LDB2: variants seen among roughly 807,000 people sequenced by gnomAD.
LDB2 encodes LIM domain-binding protein 2.
Under a neutral mutation model 44.3 loss-of-function variants are expected in LDB2, and 12 were observed. The ratio of observed to expected loss-of-function variants is 0.27; its 90% CI spans 0.17 to 0.44. The LOEUF (loss-of-function observed/expected upper bound fraction) is 0.44. Among genes scored for constraint, LDB2 ranks in the 20% least tolerant of loss-of-function variants. The pLI is 1.00. For synonymous variants in LDB2, 164 were observed against 174.8 expected (o/e 0.94, Z 0.49); for missense variants, 344 against 473.5 (o/e 0.73, Z 2.54).
chr4:16,876,043 T>C (rs1718270589), intron 1 of LDB2, among the ~76,000 whole-genome samples: 1 of 152,230 alleles, frequency 6.6e-6, no homozygotes, highest in African/African-American at 2.4e-5. Context: ...CCATGTCCCA[T>C]GTCCCTGGCT....
intron 1 of LDB2, among the ~76,000 whole-genome samples, chr4:16,809,297 T>G (rs1779336260): frequency 6.6e-6 from 1 of 152,170 alleles, no homozygotes; most frequent in African/African-American, 2.4e-5. Flanking sequence ...ATAAGCTCAA[T>G]TATGGTATTT....
chr4:16,674,816 G>GACACACAC (rs796453616), intron 2 of LDB2, among the ~76,000 whole-genome samples: 2 of 150,990 alleles, frequency 1.3e-5, no homozygotes, highest in Admixed American at 1.3e-4. Flanking sequence ...CATATACACA[G>GACACACAC]ACACACACAC....
intron 2 of LDB2, among the ~76,000 whole-genome samples, chr4:16,696,561 A>C (rs283029): frequency 0.39 from 59,870 of 151,926 alleles, 12,019 homozygotes; most frequent in East Asian, 0.66. Flanking sequence ...GAGGAGTGGG[A>C]TGGAGACATT....
chr4:16,734,323 T>C (rs1031396496), intron 2 of LDB2, among the ~76,000 whole-genome samples: 3 of 152,178 alleles, frequency 2.0e-5, no homozygotes, highest in Non-Finnish European at 4.4e-5. Flanking sequence ...ATTAAGTAAA[T>C]GAGCAAATGA....
chr4:16,784,063 C>T (rs1208623361), intron 1 of LDB2, among the ~76,000 whole-genome samples: 5 of 152,044 alleles, frequency 3.3e-5, no homozygotes, highest in Non-Finnish European at 7.4e-5. Context: ...CCAGTGGTTC[C>T]CTTTGCTTGC....
chr4:16,555,728 C>G (rs906495486), intron 5 of LDB2, among the ~76,000 whole-genome samples: 3 of 152,188 alleles, frequency 2.0e-5, no homozygotes, highest in African/African-American at 7.2e-5. Context: ...GCACACATGA[C>G]AGATGTATCT....
chr4:16,620,687 C>A (rs1192448576), intron 2 of LDB2, among the ~76,000 whole-genome samples: 1 of 152,162 alleles, frequency 6.6e-6, no homozygotes, highest in African/African-American at 2.4e-5. Flanking sequence ...TAGCCAGCCC[C>A]TTCCCTTCCT....
chr4:16,668,922 C>G (rs1016952571), intron 2 of LDB2, among the ~76,000 whole-genome samples: 1 of 152,154 alleles, frequency 6.6e-6, no homozygotes, highest in African/African-American at 2.4e-5. Context: ...AAGAGCTTCT[C>G]TTTTCCAATC....
chr4:16,759,851 C>T (rs577511267), intron 1 of LDB2, among the ~76,000 whole-genome samples: 10 of 152,172 alleles, frequency 6.6e-5, no homozygotes, highest in African/African-American at 2.2e-4. Context: ...GGACAGGCAA[C>T]CACTAGCTTG....
rs550886654 is a variant in LDB2 at position 16,601,814 on chromosome 4, A to G, written c.236-5939T>C. On this transcript the variant is annotated intron_variant, in intron 2 of 7. Coordinates refer to ENST00000304523, the MANE Select transcript of LDB2 (RefSeq NM_001290.5). ...CTTATCTGTATTCAGAAATCAGTAA[A>G]TGCATTATGCTGACATACAAATGAA... is the stretch of plus-strand genomic sequence containing the variant. 1.6e-4 allele frequency among the ~76,000 whole-genome samples: 24 copies of G among 152,284 alleles called. 2 individuals carry two copies. The South Asian group carries it at 4.8e-3, about 30-fold the overall frequency.
intron 2 of LDB2, among the ~76,000 whole-genome samples, chr4:16,690,656 G>A (rs1349511704): frequency 6.6e-6 from 1 of 152,024 alleles, no homozygotes; most frequent in Non-Finnish European, 1.5e-5. Context: ...GCTGAGGTTG[G>A]TCTTTCTAAA....
chr4:16,660,041 A>G (rs1578554413), intron 2 of LDB2, among the ~76,000 whole-genome samples: 1 of 152,156 alleles, frequency 6.6e-6, no homozygotes, highest in Admixed American at 6.5e-5. Context: ...GTCTGGAGAC[A>G]TTTTTGGTTG....
At chr4:16,595,612 G>A (rs1720650891) in intron 3 of LDB2, 91 bp downstream of exon 3, 45 of 1,166,686 alleles carry the variant, frequency 3.9e-5, no homozygotes, top group Admixed American at 1.1e-4. Context: ...ATGAGCAATC[G>A]GCCCCAGGTT....
At chr4:16,586,424 C>T (rs1008196609) in intron 4 of LDB2, among the ~76,000 whole-genome samples, 1 of 150,636 alleles carries the variant, frequency 6.6e-6, no homozygotes, top group African/African-American at 2.4e-5. Flanking sequence ...GCTGTGATAG[C>T]GGTGGTGTTT....
At chr4:16,542,642 T>C (rs565429243) in intron 5 of LDB2, among the ~76,000 whole-genome samples, 46 of 152,260 alleles carry the variant, frequency 3.0e-4, no homozygotes, top group East Asian at 1.4e-3. Context: ...CTTGTGGACA[T>C]TGCAATACAA....
intron 2 of LDB2, among the ~76,000 whole-genome samples, chr4:16,658,680 G>C: frequency 6.6e-6 from 1 of 152,256 alleles, no homozygotes; most frequent in East Asian, 1.9e-4. Context: ...TGGCCCACAG[G>C]GTGGTCCGAT....
At chr4:16,784,157 C>T (rs1249631883) in intron 1 of LDB2, among the ~76,000 whole-genome samples, 1 of 151,972 alleles carries the variant, frequency 6.6e-6, no homozygotes, top group Non-Finnish European at 1.5e-5. Flanking sequence ...CTCATGGCAC[C>T]CTGGGGCACA....
At chr4:16,732,202 C>T (rs1760901622) in intron 2 of LDB2, among the ~76,000 whole-genome samples, 1 of 152,190 alleles carries the variant, frequency 6.6e-6, no homozygotes. Context: ...CACCCTCAGC[C>T]TTGCCTTTTC....
intron 1 of LDB2, among the ~76,000 whole-genome samples, chr4:16,859,929 T>C (rs1394376106): frequency 6.6e-6 from 1 of 152,190 alleles, no homozygotes; most frequent in African/African-American, 2.4e-5. Context: ...TCGTTAATCT[T>C]CTCCAATTTA....
Sources: gnomAD v4.1 joint callset for allele counts (sites outside exome capture counted in the v4.1 genomes callset) on GRCh38, gnomAD v4.1.1 for gene constraint, MANE v1.5 for transcripts, NCBI Gene and HGNC (gene_info 2026-07-23, HGNC 2026-07-21) for gene names.